The following FBXO42 variants were observed in gnomAD, a reference collection of about 807,000 sequenced individuals.
FBXO42 encodes F-box protein 42, also known as F-box only protein 42.
Under a neutral mutation model 71.7 loss-of-function variants are expected in FBXO42, and 12 were observed. The observed-to-expected ratio is 0.17, with a 90% CI of 0.11 to 0.27. The LOEUF is 0.27. Ranked by LOEUF, FBXO42 falls within the 10% of genes least tolerant of loss-of-function variation. FBXO42 has a pLI of 1.00. For synonymous variants in FBXO42, 325 were observed against 327.5 expected (o/e 0.99, Z 0.08); for missense variants, 707 against 911.9 (o/e 0.78, Z 2.89).
chr1:16,346,664 G>C (rs1170559324), intron 1 of FBXO42, among the ~76,000 whole-genome samples: 3 of 149,964 alleles, frequency 2.0e-5, no homozygotes, highest in Non-Finnish European at 4.4e-5. Flanking sequence ...CTCCAGCCTG[G>C]GCGACAGAGC....
chr1:16,338,825 T>TTTTTTTTTTA (rs2082576980), intron 1 of FBXO42, among the ~76,000 whole-genome samples: 1 of 146,314 alleles, frequency 6.8e-6, no homozygotes, highest in Non-Finnish European at 1.5e-5. Flanking sequence ...TTTTTTTTTT[T>TTTTTTTTTTA]TTTGAGACGG....
At chr1:16,285,773 G>A (rs1315687567) in intron 4 of FBXO42, among the ~76,000 whole-genome samples, 7 of 152,114 alleles carry the variant, frequency 4.6e-5, no homozygotes, top group East Asian at 1.9e-4. Flanking sequence ...CACATTCTCC[G>A]ATGTTCTCCT....
chr1:16,319,928 G>A (rs888941931), intron 1 of FBXO42, among the ~76,000 whole-genome samples: 6 of 149,648 alleles, frequency 4.0e-5, no homozygotes, highest in Admixed American at 6.7e-5. Context: ...AAAAGAAAAA[G>A]AAAAAGAAAA....
intron 2 of FBXO42, among the ~76,000 whole-genome samples, chr1:16,311,723 G>A (rs1569904068): frequency 6.6e-6 from 1 of 151,822 alleles, no homozygotes; most frequent in Non-Finnish European, 1.5e-5. Context: ...ACAAATGCTG[G>A]TGAGAATGTG....
chr1:16,253,873 T>C (rs1443699572), intron 6 of FBXO42, 142 bp from the exon 7 acceptor site: 2 of 673,218 alleles, frequency 3.0e-6, no homozygotes, highest in Non-Finnish European at 5.0e-6. Flanking sequence ...CTGGAGCAGG[T>C]TTTAGAGATG....
intron 4 of FBXO42, among the ~76,000 whole-genome samples, chr1:16,283,962 C>T (rs993749566): frequency 1.3e-5 from 2 of 151,554 alleles, no homozygotes; most frequent in African/African-American, 2.4e-5. Context: ...GTATGACTTA[C>T]GTTGACTCTG....
In FBXO42 at chr1:16,294,925, GA is replaced by G; in HGVS notation, c.368-9del. 1 of 1,579,098 alleles carries G rather than the reference GA, an allele frequency of 6.3e-7. No homozygotes were observed. The highest frequency in any genetic ancestry group is 8.6e-7 in the Non-Finnish European group (1 of 1,160,716). ...CATCATAATAGCATGCACCTAGAAAGAAAATACACAAATAACTGCTGTGAAA... is the reference window on the plus strand; with the variant it reads ...CATCATAATAGCATGCACCTAGAAAGAAATACACAAATAACTGCTGTGAAA... On this transcript the variant is annotated splice_polypyrimidine_tract_variant and intron_variant, in intron 3 of 9. Transcript: ENST00000375592.
intron 1 of FBXO42, among the ~76,000 whole-genome samples, chr1:16,327,780 G>A (rs1039028548): frequency 2.0e-5 from 3 of 152,144 alleles, no homozygotes; most frequent in Non-Finnish European, 4.4e-5. Flanking sequence ...TCTGCTCACT[G>A]CAACCTCTGC....
chr1:16,335,056 G>A (rs371607652), intron 1 of FBXO42, among the ~76,000 whole-genome samples: 75 of 58,122 alleles, frequency 1.3e-3, no homozygotes, highest in African/African-American at 4.5e-3. Context: ...GCAAAACCTC[G>A]TCTGTACAAA....
intron 1 of FBXO42, among the ~76,000 whole-genome samples, chr1:16,337,183 T>C (rs771848900): frequency 2.0e-4 from 30 of 152,186 alleles, no homozygotes; most frequent in Non-Finnish European, 3.2e-4. Context: ...CAAATTTTAA[T>C]GTGAATCTAG....
At chr1:16,286,076 T>C (rs940603245) in intron 4 of FBXO42, among the ~76,000 whole-genome samples, 1 of 151,830 alleles carries the variant, frequency 6.6e-6, no homozygotes, top group Non-Finnish European at 1.5e-5. Context: ...TTTGAGGAGA[T>C]GGCCAGGCTG....
At chr1:16,278,903 C>G (rs369922494) in intron 4 of FBXO42, among the ~76,000 whole-genome samples, 2 of 152,114 alleles carry the variant, frequency 1.3e-5, no homozygotes, top group East Asian at 1.9e-4. Context: ...CTCAGCCTCC[C>G]GAGCAGCTGG....
chr1:16,321,794 G>A (rs1380917072), intron 1 of FBXO42, among the ~76,000 whole-genome samples: 1 of 151,868 alleles, frequency 6.6e-6, no homozygotes, highest in Non-Finnish European at 1.5e-5. Flanking sequence ...CTAGGCTCAA[G>A]TGATCCTCCT....
intron 4 of FBXO42, among the ~76,000 whole-genome samples, chr1:16,287,033 C>T (rs1218379566): frequency 6.6e-6 from 1 of 152,200 alleles, no homozygotes; most frequent in Non-Finnish European, 1.5e-5. Flanking sequence ...TCTCAGAAAC[C>T]TACACAACTA....
rs566596324 is a variant in FBXO42 at position 16,261,713 on chromosome 1, T to G, written c.503-4954A>C. On this transcript the variant is annotated intron_variant, in intron 4 of 9. Transcript: ENST00000375592. ...GGATACAGGTATATCAATTTTTTTT[T>G]TTTGTTTTTGAGACGCGTCTCACTC... Among the ~76,000 whole-genome samples the G allele has an allele frequency of 7.2e-5, 11 of 152,136 alleles. No individual in the cohort carries two copies. The South Asian group carries it at 2.1e-3, about 29-fold the overall frequency.
chr1:16,251,165 T>C lies in FBXO42; in HGVS notation c.1659A>G (p.Pro553=). The C allele has an allele frequency of 1.2e-6, 2 of 1,614,144 alleles. No individual in the cohort carries two copies. Among genetic ancestry groups the C allele is most frequent in the Non-Finnish European group, 1.7e-6 (2 of 1,180,030 alleles). ...CTTCCAGACTCCGACGCAGGGCACCTGGGGAGACGGCCCCTGCAAGGGCAC... is the reference window on the plus strand; with the variant it reads ...CTTCCAGACTCCGACGCAGGGCACCCGGGGAGACGGCCCCTGCAAGGGCAC... ...VASALAGAVS[P]GALRRSLEAI... Residue 553 remains proline, a synonymous_variant, in exon 10 of 10, where the codon CCA becomes CCG. Transcript: ENST00000375592. This position sits in a 1 kb window ranked among gnomAD's most constrained non-coding sequence, Gnocchi z 4.5.
At chr1:16,290,816 A>C (rs1457102482) in intron 4 of FBXO42, among the ~76,000 whole-genome samples, 1 of 152,174 alleles carries the variant, frequency 6.6e-6, no homozygotes, top group Non-Finnish European at 1.5e-5. Context: ...CCAGATTCTC[A>C]TCTTGAATTT....
At chr1:16,338,152 G>C (rs957373190) in intron 1 of FBXO42, among the ~76,000 whole-genome samples, 1 of 151,322 alleles carries the variant, frequency 6.6e-6, no homozygotes, top group African/African-American at 2.4e-5. Context: ...CCAGCTACTC[G>C]GGAGGCTGAG....
chr1:16,303,080 A>T (rs926676082), intron 3 of FBXO42, among the ~76,000 whole-genome samples: 3 of 152,160 alleles, frequency 2.0e-5, no homozygotes, highest in Non-Finnish European at 4.4e-5. Context: ...TTCAAAAAAG[A>T]AAAAAAGGGA....
Sources: gnomAD v4.1 joint callset for allele counts (sites outside exome capture counted in the v4.1 genomes callset) on GRCh38, gnomAD v4.1.1 for gene constraint, Gnocchi (gnomAD v3.1) non-coding constraint, MANE v1.5 for transcripts, NCBI Gene and HGNC (gene_info 2026-07-23, HGNC 2026-07-21) for gene names.